Variants in LRRC4C observed in about 807,000 individuals in gnomAD.
The protein encoded by LRRC4C is leucine rich repeat containing 4C.
In LRRC4C, 5 loss-of-function variants were observed where a neutral mutation model predicts 33.6. The observed-to-expected ratio is 0.15, with a 90% CI of 0.08 to 0.31. The LOEUF (loss-of-function observed/expected upper bound fraction) is 0.31, where lower values mean the gene tolerates loss of function less well. Among genes scored for constraint, LRRC4C ranks in the 10% least tolerant of loss-of-function variants. LRRC4C has a pLI of 1.00. For synonymous variants in LRRC4C, 329 were observed against 302.0 expected (o/e 1.09, Z -0.93); for missense variants, 560 against 796.7 (o/e 0.70, Z 3.58).
chr11:40,403,488 A>T (rs766104853), intron 3 of LRRC4C, among the ~76,000 whole-genome samples: 4 of 152,150 alleles, frequency 2.6e-5, no homozygotes, highest in Non-Finnish European at 5.9e-5. Context: ...ACCGAATGAG[A>T]TCATTTATGT....
At chr11:40,256,971 C>A (rs952436941) in intron 4 of LRRC4C, among the ~76,000 whole-genome samples, 1 of 152,178 alleles carries the variant, frequency 6.6e-6, no homozygotes, top group African/African-American at 2.4e-5. Context: ...CAACTCCTGC[C>A]AAAGCTCTGA....
At chr11:40,401,381 T>A (rs1003209042) in intron 3 of LRRC4C, among the ~76,000 whole-genome samples, 9 of 152,026 alleles carry the variant, frequency 5.9e-5, no homozygotes, top group African/African-American at 1.9e-4. Context: ...TCATCCTGCG[T>A]TTACTCTGAA....
intron 3 of LRRC4C, among the ~76,000 whole-genome samples, chr11:40,342,576 T>C (rs1946919909): frequency 6.6e-6 from 1 of 152,152 alleles, no homozygotes; most frequent in Non-Finnish European, 1.5e-5. Flanking sequence ...GAGAACCACT[T>C]GGTAGAAAAA....
chr11:40,907,809 G>A (rs138770191), intron 2 of LRRC4C, among the ~76,000 whole-genome samples: 131 of 152,240 alleles, frequency 8.6e-4, no homozygotes, highest in Middle Eastern at 3.4e-3. Context: ...TCTCTAAGTC[G>A]CTTAAAAGCG....
rs115898181 is a variant in LRRC4C, at chr11:41,336,550, C to T, written c.-496+122881G>A. Among the ~76,000 whole-genome samples, 696 of 152,238 alleles carry T rather than the reference C, an allele frequency of 4.6e-3. 4 individuals carry two copies. Among genetic ancestry groups the T allele is most frequent in the African/African-American group, 0.015 (608 of 41,534 alleles). On this transcript the variant is annotated intron_variant, in intron 1 of 6. Transcript: ENST00000528697. ...TTTACAAGTAAGTGTGGATGTTTTG[C>T]ATTGTTTGGGGATTTCTGCACTGGT...
chr11:41,164,186 TTTTTA>T (rs1190572345), intron 1 of LRRC4C, among the ~76,000 whole-genome samples: 3 of 24,610 alleles, frequency 1.2e-4, no homozygotes, highest in Non-Finnish European at 3.3e-4. Flanking sequence ...TCTTTTACCT[TTTTTA>T]TTTTTTTTTT....
intron 3 of LRRC4C, among the ~76,000 whole-genome samples, chr11:40,586,588 T>C (rs1958758631): frequency 6.7e-6 from 1 of 149,380 alleles, no homozygotes; most frequent in Non-Finnish European, 1.5e-5. Flanking sequence ...GGTTTTCTTC[T>C]AGGGTTTTTA....
At chr11:40,834,541 A>G (rs543102579) in intron 2 of LRRC4C, among the ~76,000 whole-genome samples, 2 of 151,938 alleles carry the variant, frequency 1.3e-5, no homozygotes, top group Admixed American at 1.3e-4. Flanking sequence ...AGTAGTGGGG[A>G]AAAAAGAAAG....
At chr11:40,909,546 A>G (rs573336485) in intron 2 of LRRC4C, among the ~76,000 whole-genome samples, 20 of 152,108 alleles carry the variant, frequency 1.3e-4, no homozygotes, top group Non-Finnish European at 2.5e-4. Context: ...TTCACAGATA[A>G]TTTCATACAG....
intron 1 of LRRC4C, among the ~76,000 whole-genome samples, chr11:41,064,715 T>C (rs1401012862): frequency 6.6e-6 from 1 of 152,148 alleles, no homozygotes; most frequent in Non-Finnish European, 1.5e-5. Flanking sequence ...CATTTCCAAC[T>C]GGGGTACCCA....
At chr11:41,020,514 A>C (rs1220286676) in intron 1 of LRRC4C, among the ~76,000 whole-genome samples, 1 of 152,082 alleles carries the variant, frequency 6.6e-6, no homozygotes, top group Non-Finnish European at 1.5e-5. Context: ...ATGCTATGTG[A>C]AGAAACAGAC....
chr11:40,344,021 C>CA (rs986407312), intron 3 of LRRC4C, among the ~76,000 whole-genome samples: 1 of 151,604 alleles, frequency 6.6e-6, no homozygotes, highest in South Asian at 2.1e-4. Context: ...GCCTGCAAAC[C>CA]AAAAAAAGCC....
At chr11:40,921,011 C>A (rs1957152103) in intron 2 of LRRC4C, among the ~76,000 whole-genome samples, 1 of 150,650 alleles carries the variant, frequency 6.6e-6, no homozygotes, top group Non-Finnish European at 1.5e-5. Flanking sequence ...GCGTCAGTTT[C>A]CTGGGCTGAA....
intron 2 of LRRC4C, among the ~76,000 whole-genome samples, chr11:40,778,079 G>A (rs1460941617): frequency 6.6e-6 from 1 of 152,088 alleles, no homozygotes; most frequent in African/African-American, 2.4e-5. Flanking sequence ...ATTTATCTGT[G>A]AGTTTTTCAT....
At chr11:40,983,610 C>G (rs1852696877) in intron 1 of LRRC4C, among the ~76,000 whole-genome samples, 3 of 152,014 alleles carry the variant, frequency 2.0e-5, no homozygotes, top group Admixed American at 6.6e-5. Flanking sequence ...TGACAAAGGT[C>G]TAATATCCAG....
At chr11:41,122,597 A>G (rs1022734380) in intron 1 of LRRC4C, among the ~76,000 whole-genome samples, 5 of 151,994 alleles carry the variant, frequency 3.3e-5, no homozygotes, top group African/African-American at 1.2e-4. Flanking sequence ...CAGGTTAGTA[A>G]TAGAGATTAT....
chr11:40,826,189 A>G (rs1952162618), intron 2 of LRRC4C, among the ~76,000 whole-genome samples: 1 of 151,984 alleles, frequency 6.6e-6, no homozygotes, highest in African/African-American at 2.4e-5. Flanking sequence ...ATACTTAATC[A>G]TGGAAATTTA....
In LRRC4C at chr11:41,056,482, A is replaced by T. The variant is rs573750468; in HGVS notation, c.-495-122759T>A. On this transcript the variant is annotated intron_variant, in intron 1 of 6. Transcript: ENST00000528697. ...TATCAACAGATTAAACAGACAACCT[A>T]CAGATTGAGAGAAAATATTTGCAAA... is the stretch of plus-strand genomic sequence containing the variant. Among the ~76,000 whole-genome samples the T allele has an allele frequency of 7.2e-5, 11 of 152,346 alleles. No individual in the cohort carries two copies. The South Asian group carries it at 2.3e-3, about 32-fold the overall frequency.
chr11:41,146,316 C>T (rs972176896), intron 1 of LRRC4C, among the ~76,000 whole-genome samples: 15 of 152,230 alleles, frequency 9.9e-5, no homozygotes, highest in Non-Finnish European at 1.9e-4. Context: ...CGTCAGTCCA[C>T]TCTGGAGTCA....
Sources: allele counts gnomAD v4.1 joint callset (sites outside exome capture counted in the v4.1 genomes callset), GRCh38; gene constraint gnomAD v4.1.1; transcripts MANE v1.5; gene names NCBI Gene and HGNC (gene_info 2026-07-23, HGNC 2026-07-21).